FHIT: variants seen among roughly 807,000 people sequenced by gnomAD.
FHIT encodes fragile histidine triad diadenosine triphosphatase.
FHIT carries 19 observed loss-of-function variants against 17.9 expected under a neutral mutation model. The ratio of observed to expected loss-of-function variants is 1.06; its 90% CI spans 0.74 to 1.56. The LOEUF is 1.56. Among genes scored for constraint, FHIT ranks in the 40% most tolerant of loss-of-function variants. The probability of loss-of-function intolerance (pLI) is 0.00; values close to 1 mark genes in which losing one functional copy is unlikely to be tolerated. For missense variants in FHIT, 248 were observed against 189.2 expected (o/e 1.31, Z -1.82); for synonymous variants, 81 against 69.7 (o/e 1.16, Z -0.81).
intron 2 of FHIT, among the ~76,000 whole-genome samples, chr3:61,163,001 T>A (rs1014577305): frequency 1.3e-5 from 2 of 152,158 alleles, no homozygotes; most frequent in Non-Finnish European, 2.9e-5. Flanking sequence ...TTCACCTTTA[T>A]TTGAGAATTA....
intron 5 of FHIT, among the ~76,000 whole-genome samples, chr3:60,260,195 T>A (rs975989636): frequency 3.9e-5 from 6 of 151,968 alleles, no homozygotes; most frequent in Admixed American, 2.6e-4. Flanking sequence ...CTTCCAGTTC[T>A]AAGGGCCGTA....
intron 5 of FHIT, among the ~76,000 whole-genome samples, chr3:60,016,602 A>C (rs1339081800): frequency 6.6e-6 from 1 of 152,226 alleles, no homozygotes; most frequent in African/African-American, 2.4e-5. Context: ...ACTGTCATGC[A>C]GTGTAAACAG....
chr3:60,285,712 G>C (rs142181414), intron 5 of FHIT, among the ~76,000 whole-genome samples: 5 of 152,244 alleles, frequency 3.3e-5, no homozygotes, highest in Non-Finnish European at 7.4e-5. Flanking sequence ...CTTGGTGTTG[G>C]CTGCCAGCTG....
At chr3:59,868,046 T>A (rs1308338442) in intron 8 of FHIT, among the ~76,000 whole-genome samples, 15 of 135,736 alleles carry the variant, frequency 1.1e-4, no homozygotes, top group African/African-American at 4.0e-4. Flanking sequence ...TTTTTTTTTT[T>A]TAAAAAAAAA....
chr3:60,965,347 G>C (rs904261838), intron 3 of FHIT, among the ~76,000 whole-genome samples: 3 of 152,068 alleles, frequency 2.0e-5, no homozygotes, highest in African/African-American at 4.8e-5. Context: ...CTTTTTTCAA[G>C]GTTTTTAGCT....
chr3:59,766,298 AC>A (rs1454817138), intron 8 of FHIT, among the ~76,000 whole-genome samples: 2 of 152,240 alleles, frequency 1.3e-5, no homozygotes, highest in Admixed American at 1.3e-4. Context: ...ACATCGGATG[AC>A]CGCAGTTTTC....
chr3:60,672,874 C>CGTGTGTGTGT (rs71629109), intron 4 of FHIT, among the ~76,000 whole-genome samples: 13,067 of 139,394 alleles, frequency 0.094, 693 homozygotes, highest in Middle Eastern at 0.14. Flanking sequence ...CTCTTTGTAG[C>CGTGTGTGTGT]GTGTGTGTGT....
intron 8 of FHIT, among the ~76,000 whole-genome samples, chr3:59,780,431 A>ATG (rs1559599214): frequency 6.6e-6 from 1 of 152,206 alleles, no homozygotes; most frequent in Non-Finnish European, 1.5e-5. Flanking sequence ...TTCCTTCTCT[A>ATG]TGTACAGGAA....
chr3:59,945,710 G>A (rs951012504), intron 7 of FHIT, among the ~76,000 whole-genome samples: 9 of 151,978 alleles, frequency 5.9e-5, no homozygotes, highest in African/African-American at 2.2e-4. Flanking sequence ...GTTTATTTTT[G>A]CATACATTAA....
intron 4 of FHIT, among the ~76,000 whole-genome samples, chr3:60,558,852 G>T (rs1307631168): frequency 6.6e-6 from 1 of 152,140 alleles, no homozygotes; most frequent in Non-Finnish European, 1.5e-5. Context: ...TCACTTTTCG[G>T]CTTTAGACTA....
At chr3:60,849,452 A>G (rs1325426035) in intron 3 of FHIT, among the ~76,000 whole-genome samples, 2 of 147,392 alleles carry the variant, frequency 1.4e-5, no homozygotes, top group Non-Finnish European at 3.0e-5. Context: ...ATATATATAT[A>G]TATATATATA....
intron 3 of FHIT, among the ~76,000 whole-genome samples, chr3:60,974,356 A>G (rs1710148393): frequency 6.6e-6 from 1 of 152,152 alleles, no homozygotes; most frequent in Non-Finnish European, 1.5e-5. Flanking sequence ...GGCCAGAGTT[A>G]TTGGTTCAGA....
At chr3:61,062,620 G>C (rs1300454752) in intron 2 of FHIT, among the ~76,000 whole-genome samples, 1 of 152,118 alleles carries the variant, frequency 6.6e-6, no homozygotes, top group Non-Finnish European at 1.5e-5. Flanking sequence ...ATGTCCCCAG[G>C]CATAAACTAA....
chr3:59,773,974 TAATA>T (rs1056180304), intron 8 of FHIT, among the ~76,000 whole-genome samples: 8 of 151,832 alleles, frequency 5.3e-5, no homozygotes, highest in African/African-American at 1.7e-4. Flanking sequence ...CCTACTGAAA[TAATA>T]TTTATGATAT....
chr3:60,944,260 A>C (rs1435703083), intron 3 of FHIT, among the ~76,000 whole-genome samples: 2 of 152,306 alleles, frequency 1.3e-5, no homozygotes, highest in East Asian at 1.9e-4. Flanking sequence ...TTTTATTCCA[A>C]TTAATGTCCT....
At chr3:60,777,935 CAGCCT>C (rs1289237252) in intron 4 of FHIT, among the ~76,000 whole-genome samples, 1 of 152,142 alleles carries the variant, frequency 6.6e-6, no homozygotes, top group Non-Finnish European at 1.5e-5. Context: ...GAACATTTAA[CAGCCT>C]TCCCAAAGTC....
At chr3:60,663,510 A>T (rs2040311089) in intron 4 of FHIT, among the ~76,000 whole-genome samples, 1 of 151,990 alleles carries the variant, frequency 6.6e-6, no homozygotes, top group East Asian at 1.9e-4. Context: ...ATCTCGGCTC[A>T]CTGCAACCTC....
intron 4 of FHIT, among the ~76,000 whole-genome samples, chr3:60,738,108 G>A (rs2042168613): frequency 1.3e-5 from 2 of 152,080 alleles, no homozygotes; most frequent in African/African-American, 2.4e-5. Context: ...CAAGGAATCC[G>A]ACCGGGAGAG....
At chr3:59,996,644 C>G (rs946359394) in intron 7 of FHIT, among the ~76,000 whole-genome samples, 1 of 152,056 alleles carries the variant, frequency 6.6e-6, no homozygotes, top group Non-Finnish European at 1.5e-5. Context: ...CTCCAGACAC[C>G]CTTTGTATGC....
Sources: allele counts gnomAD v4.1 joint callset (sites outside exome capture counted in the v4.1 genomes callset), GRCh38; gene constraint gnomAD v4.1.1; transcripts MANE v1.5; gene names NCBI Gene and HGNC (gene_info 2026-07-23, HGNC 2026-07-21).